Variants in GMDS observed in about 807,000 individuals in gnomAD.
GMDS encodes GDP-mannose 4,6 dehydratase.
Under a neutral mutation model 49.9 loss-of-function variants are expected in GMDS, and 20 were observed. The observed-to-expected ratio is 0.40, with a 90% CI of 0.28 to 0.58. The LOEUF (loss-of-function observed/expected upper bound fraction) is 0.58. Ranked by LOEUF, GMDS falls within the 20% of genes least tolerant of loss-of-function variation. GMDS has a pLI of 0.42. For missense variants in GMDS, 362 were observed against 481.4 expected (o/e 0.75, Z 2.32); for synonymous variants, 177 against 178.6 (o/e 0.99, Z 0.07).
intron 1 of GMDS, among the ~76,000 whole-genome samples, chr6:2,174,107 C>T (rs1038140904): frequency 2.6e-4 from 39 of 152,256 alleles, no homozygotes; most frequent in African/African-American, 8.4e-4. Context: ...TGACCTTGGG[C>T]GGTCTCACTC....
chr6:2,107,808 T>C (rs1263445483), intron 4 of GMDS, among the ~76,000 whole-genome samples: 1 of 152,252 alleles, frequency 6.6e-6, no homozygotes, highest in Admixed American at 6.5e-5. Context: ...CAAAAGGCAC[T>C]ATAGTATGCA....
chr6:2,033,406 A>T (rs1769090180), intron 4 of GMDS, among the ~76,000 whole-genome samples: 1 of 152,216 alleles, frequency 6.6e-6, no homozygotes, highest in African/African-American at 2.4e-5. Flanking sequence ...ATTTTTGACC[A>T]AGGGCCTAAG....
At chr6:1,641,195 C>T (rs1763320489) in intron 9 of GMDS, among the ~76,000 whole-genome samples, 5 of 152,202 alleles carry the variant, frequency 3.3e-5, no homozygotes, top group Admixed American at 3.3e-4. Flanking sequence ...GACATGCTGT[C>T]ATTCAGGGGC....
intron 6 of GMDS, among the ~76,000 whole-genome samples, chr6:1,939,983 T>C (rs977814913): frequency 1.3e-5 from 2 of 151,176 alleles, no homozygotes; most frequent in African/African-American, 2.4e-5. Context: ...CTACACAAAA[T>C]TACTTCTTTT....
At chr6:1,986,257 A>AATT (rs1322678548) in intron 4 of GMDS, among the ~76,000 whole-genome samples, 1 of 152,120 alleles carries the variant, frequency 6.6e-6, no homozygotes, top group Non-Finnish European at 1.5e-5. Flanking sequence ...CCCTACCTCA[A>AATT]ATTACTCTTG....
chr6:1,941,586 C>G (rs114628264), intron 6 of GMDS, among the ~76,000 whole-genome samples: 1 of 152,078 alleles, frequency 6.6e-6, no homozygotes, highest in Non-Finnish European at 1.5e-5. Context: ...GGTGAGATTT[C>G]GTAGACAAGG....
intron 7 of GMDS, 54 bp downstream of exon 7, chr6:1,930,049 T>C: frequency 6.6e-7 from 1 of 1,512,644 alleles, no homozygotes; most frequent in South Asian, 1.2e-5. Context: ...CGCTTGGCAT[T>C]TAGAATATCA....
At chr6:2,016,276 GAA>G (rs1213291656) in intron 4 of GMDS, among the ~76,000 whole-genome samples, 7 of 148,476 alleles carry the variant, frequency 4.7e-5, no homozygotes, top group Admixed American at 4.0e-4. Context: ...AAAAAAAGCA[GAA>G]AGCAGACGAT....
At chr6:1,937,781 C>T (rs947638456) in intron 6 of GMDS, among the ~76,000 whole-genome samples, 2 of 152,164 alleles carry the variant, frequency 1.3e-5, no homozygotes, top group African/African-American at 2.4e-5. Flanking sequence ...CTGCAAAGAC[C>T]TCATTTCCAA....
At chr6:2,037,728 T>G (rs1272981775) in intron 4 of GMDS, among the ~76,000 whole-genome samples, 6 of 152,156 alleles carry the variant, frequency 3.9e-5, no homozygotes, top group Admixed American at 1.3e-4. Context: ...GGGATTTGGT[T>G]CTGCTGCTCT....
At chr6:1,765,626 G>A (rs937790432) in intron 7 of GMDS, among the ~76,000 whole-genome samples, 3 of 152,214 alleles carry the variant, frequency 2.0e-5, no homozygotes, top group Non-Finnish European at 4.4e-5. Context: ...ACCTGCAACA[G>A]GGTCACGCGG....
At chr6:2,144,825 T>C (rs921357654) in intron 1 of GMDS, among the ~76,000 whole-genome samples, 2 of 152,198 alleles carry the variant, frequency 1.3e-5, no homozygotes, top group African/African-American at 4.8e-5. Flanking sequence ...GCATAGTGAC[T>C]GCACAAAGTA....
chr6:2,041,600 C>T (rs999899870), intron 4 of GMDS, among the ~76,000 whole-genome samples: 14 of 152,188 alleles, frequency 9.2e-5, no homozygotes, highest in African/African-American at 3.1e-4. Context: ...CTCACCCTCC[C>T]ATCCTGGGCC....
intron 1 of GMDS, among the ~76,000 whole-genome samples, chr6:2,242,795 C>A (rs1172128873): frequency 6.6e-6 from 1 of 152,116 alleles, no homozygotes; most frequent in Non-Finnish European, 1.5e-5. Context: ...ACTTATTATA[C>A]CTGTCTCTTA....
At chr6:2,207,716 C>T (rs764766214) in intron 1 of GMDS, among the ~76,000 whole-genome samples, 7 of 151,828 alleles carry the variant, frequency 4.6e-5, no homozygotes, top group Non-Finnish European at 1.0e-4. Context: ...CCTATTGTTA[C>T]GTAAAAATAA....
At chr6:2,136,035 C>T (rs1775981271) in intron 1 of GMDS, among the ~76,000 whole-genome samples, 2 of 152,148 alleles carry the variant, frequency 1.3e-5, no homozygotes, top group African/African-American at 4.8e-5. Flanking sequence ...AGGTTGCAAC[C>T]TGTACAGCAT....
At chr6:2,222,136 T>C (rs1176451201) in intron 1 of GMDS, among the ~76,000 whole-genome samples, 1 of 152,236 alleles carries the variant, frequency 6.6e-6, no homozygotes, top group Non-Finnish European at 1.5e-5. Flanking sequence ...TGACAGCTTT[T>C]ACACACTGTC....
In GMDS at chr6:2,202,644, G is replaced by A. The variant is rs116532536; in HGVS notation, c.102+42677C>T. The stretch of plus-strand genomic sequence containing the variant: ...CGGTAGCTCATAGGCTCAGAGACTG[G>A]CCTCGTGGCCTATGTCCTGGCAAGG... On this transcript the variant is annotated intron_variant, in intron 1 of 10. Coordinates refer to ENST00000380815, the MANE Select transcript of GMDS (RefSeq NM_001500.4). Among the ~76,000 whole-genome samples, 315 of 152,218 alleles carry A rather than the reference G, an allele frequency of 2.1e-3. 2 individuals carry two copies. Among genetic ancestry groups the A allele is most frequent in the African/African-American group, 7.3e-3 (303 of 41,546 alleles).
At chr6:1,757,385 C>T (rs997975723) in intron 7 of GMDS, among the ~76,000 whole-genome samples, 3 of 152,170 alleles carry the variant, frequency 2.0e-5, no homozygotes, top group Admixed American at 1.3e-4. Context: ...TCTTCTGTCG[C>T]TCGGATACCT....
Sources: gnomAD v4.1 joint callset for allele counts (sites outside exome capture counted in the v4.1 genomes callset) on GRCh38, gnomAD v4.1.1 for gene constraint, MANE v1.5 for transcripts, NCBI Gene and HGNC (gene_info 2026-07-23, HGNC 2026-07-21) for gene names.